Variants in GPC6 observed in about 807,000 individuals in gnomAD.
GPC6 encodes the protein glypican-6.
GPC6 carries 14 observed loss-of-function variants against 55.2 expected under a neutral mutation model. The ratio of observed to expected loss-of-function variants is 0.25; its 90% CI spans 0.17 to 0.40. The LOEUF (loss-of-function observed/expected upper bound fraction) is 0.40. GPC6 is among the 10% of genes least tolerant of loss of function. The probability of loss-of-function intolerance (pLI) is 1.00; values close to 1 mark genes in which losing one functional copy is unlikely to be tolerated. For synonymous variants in GPC6, 278 were observed against 259.6 expected, an observed-to-expected ratio of 1.07 and a Z score of -0.68; for missense variants, 641 against 708.5, an observed-to-expected ratio of 0.90 and a Z score of 1.08.
At chr13:93,221,134 G>T in the GPC6 span, among the ~76,000 whole-genome samples, 1 of 152,112 alleles carries the variant, frequency 6.6e-6, no homozygotes, top group Non-Finnish European at 1.5e-5. Context: ...GGGATTATAG[G>T]TGTGAGCCAC....
chr13:93,775,485 A>G (rs1885437736), intron 2 of GPC6, among the ~76,000 whole-genome samples: 1 of 152,208 alleles, frequency 6.6e-6, no homozygotes, highest in South Asian at 2.1e-4. Context: ...TTTCTAGAAG[A>G]AAATTGTCAT....
At chr13:93,387,257 A>G (rs189616351) in intron 1 of GPC6, among the ~76,000 whole-genome samples, 87 of 151,806 alleles carry the variant, frequency 5.7e-4, no homozygotes, top group African/African-American at 2.0e-3. Flanking sequence ...TGCTGCAGCT[A>G]TCAACCCGTC....
intron 3 of GPC6, among the ~76,000 whole-genome samples, chr13:93,884,511 T>C (rs189374976): frequency 6.6e-6 from 1 of 152,116 alleles, no homozygotes; most frequent in African/African-American, 2.4e-5. Flanking sequence ...ATAACTTTAC[T>C]GAAGATTTTG....
intron 3 of GPC6, among the ~76,000 whole-genome samples, chr13:93,859,274 G>T (rs1010769661): frequency 4.0e-5 from 6 of 151,454 alleles, no homozygotes; most frequent in African/African-American, 1.5e-4. Flanking sequence ...ATTTTCTTTA[G>T]GGAATTTCTT....
chr13:93,694,788 T>C (rs1835651871), intron 2 of GPC6, among the ~76,000 whole-genome samples: 1 of 152,142 alleles, frequency 6.6e-6, no homozygotes, highest in Non-Finnish European at 1.5e-5. Context: ...GTTGCCTTTC[T>C]TTTTTTGACT....
intron 4 of GPC6, among the ~76,000 whole-genome samples, chr13:94,091,728 T>C (rs1217231001): frequency 6.6e-6 from 1 of 152,136 alleles, no homozygotes; most frequent in Non-Finnish European, 1.5e-5. Context: ...CATTAAAATA[T>C]GAAAGATGAT....
intron 2 of GPC6, among the ~76,000 whole-genome samples, chr13:93,771,650 C>T (rs1212733423): frequency 1.3e-5 from 2 of 151,808 alleles, no homozygotes; most frequent in Admixed American, 6.6e-5. Context: ...TGCAGTGCAC[C>T]AGCATGGCAC....
chr13:93,640,310 A>T (rs1879859334), intron 2 of GPC6, among the ~76,000 whole-genome samples: 1 of 152,142 alleles, frequency 6.6e-6, no homozygotes, highest in Non-Finnish European at 1.5e-5. Flanking sequence ...AGGAAAAATA[A>T]TTATCAAGTA....
intron 4 of GPC6, among the ~76,000 whole-genome samples, chr13:94,258,914 CAG>C (rs1891579348): frequency 6.6e-6 from 1 of 152,166 alleles, no homozygotes; most frequent in Admixed American, 6.6e-5. Flanking sequence ...AGGCATCAAA[CAG>C]AGATGTAACA....
intron 3 of GPC6, among the ~76,000 whole-genome samples, chr13:94,019,903 T>C (rs1882631963): frequency 6.6e-6 from 1 of 152,148 alleles, no homozygotes; most frequent in African/African-American, 2.4e-5. Context: ...CTTTTTCTTT[T>C]CTCTCTTTGA....
intron 1 of GPC6, among the ~76,000 whole-genome samples, chr13:93,532,948 G>A (rs1256230215): frequency 6.6e-6 from 1 of 152,160 alleles, no homozygotes; most frequent in Non-Finnish European, 1.5e-5. Flanking sequence ...CATCAGCAAA[G>A]GATGACAATA....
chr13:94,039,441 G>A (rs202073855), intron 4 of GPC6, among the ~76,000 whole-genome samples: 1 of 151,866 alleles, frequency 6.6e-6, no homozygotes, highest in East Asian at 1.9e-4. Flanking sequence ...AGGACTCCGG[G>A]TCTAAATAGA....
At chr13:93,979,057 G>T (rs536264305) in intron 3 of GPC6, among the ~76,000 whole-genome samples, 1 of 152,178 alleles carries the variant, frequency 6.6e-6, no homozygotes, top group South Asian at 2.1e-4. Flanking sequence ...TACTAGCATT[G>T]AAATTGCAGA....
chr13:94,189,533 A>T (rs934097161), intron 4 of GPC6, among the ~76,000 whole-genome samples: 23 of 152,196 alleles, frequency 1.5e-4, no homozygotes, highest in African/African-American at 4.6e-4. Flanking sequence ...TGTTGGGTAT[A>T]AGTAAATTAG....
chr13:93,422,302 T>A (rs1259600035), intron 1 of GPC6, among the ~76,000 whole-genome samples: 1 of 152,202 alleles, frequency 6.6e-6, no homozygotes, highest in South Asian at 2.1e-4. Flanking sequence ...ATGATCATAA[T>A]GACATGCTGT....
chr13:94,081,463 G>A (rs1378280475), intron 4 of GPC6, among the ~76,000 whole-genome samples: 3 of 152,142 alleles, frequency 2.0e-5, no homozygotes, highest in Non-Finnish European at 2.9e-5. Context: ...AACTTGTTAA[G>A]AGAATGTATT....
intron 2 of GPC6, among the ~76,000 whole-genome samples, chr13:93,621,506 T>A (rs1456300381): frequency 6.6e-6 from 1 of 152,162 alleles, no homozygotes; most frequent in Non-Finnish European, 1.5e-5. Context: ...TCCCTGGCCA[T>A]ACCCCAAACT....
At chr13:93,331,927 T>C (rs1393211416) in intron 1 of GPC6, among the ~76,000 whole-genome samples, 1 of 152,156 alleles carries the variant, frequency 6.6e-6, no homozygotes. Flanking sequence ...ACATCCATTT[T>C]TATAGCTCCC....
chr13:93,757,793 C>T (rs1884826846), intron 2 of GPC6, among the ~76,000 whole-genome samples: 1 of 152,134 alleles, frequency 6.6e-6, no homozygotes, highest in African/African-American at 2.4e-5. Flanking sequence ...TGGATTCTGC[C>T]ATTTAGGCCA....
Sources: allele counts gnomAD v4.1 joint callset (sites outside exome capture counted in the v4.1 genomes callset), GRCh38; gene constraint gnomAD v4.1.1; transcripts MANE v1.5; gene names NCBI Gene and HGNC (gene_info 2026-07-23, HGNC 2026-07-21).